Variants in LRRC69 observed in about 807,000 individuals in gnomAD.
LRRC69 encodes the protein leucine rich repeat containing 69.
A neutral mutation model predicts 37.8 loss-of-function variants in LRRC69; 42 were observed. The ratio of observed to expected loss-of-function variants is 1.11; its 90% CI spans 0.87 to 1.44. LRRC69 has a LOEUF of 1.44. Among genes scored for constraint, LRRC69 ranks in the 40% most tolerant of loss-of-function variants. LRRC69 has a pLI of 0.00. For missense variants in LRRC69, 357 were observed against 401.9 expected (o/e 0.89, Z 0.96); for synonymous variants, 141 against 143.1 (o/e 0.99, Z 0.11).
chr8:91,179,313 G>C (rs1030428695), intron 5 of LRRC69, among the ~76,000 whole-genome samples: 1 of 152,146 alleles, frequency 6.6e-6, no homozygotes, highest in African/African-American at 2.4e-5. Context: ...TGTCTCACAT[G>C]GCAGGAGCAG....
At chr8:91,118,854 C>CT (rs1417317130) in intron 1 of LRRC69, among the ~76,000 whole-genome samples, 3 of 151,608 alleles carry the variant, frequency 2.0e-5, no homozygotes, top group African/African-American at 4.8e-5. Context: ...TTCTGCAGTT[C>CT]TTTGTTAGTA....
At chr8:91,149,226 T>G (rs184642278) in intron 5 of LRRC69, among the ~76,000 whole-genome samples, 2 of 152,118 alleles carry the variant, frequency 1.3e-5, no homozygotes, top group East Asian at 1.9e-4. Context: ...GGTCTAACAT[T>G]TAAGTCTTTA....
intron 5 of LRRC69, among the ~76,000 whole-genome samples, chr8:91,156,148 T>C (rs1167766736): frequency 6.6e-6 from 1 of 150,968 alleles, no homozygotes; most frequent in Non-Finnish European, 1.5e-5. Context: ...ATGGATGTAC[T>C]AATTTATGTT....
At chr8:91,167,387 C>A (rs931470516) in intron 5 of LRRC69, among the ~76,000 whole-genome samples, 3 of 151,386 alleles carry the variant, frequency 2.0e-5, no homozygotes, top group Non-Finnish European at 4.4e-5. Context: ...GAGAACAGCC[C>A]GGGAAAGACC....
intron 1 of LRRC69, among the ~76,000 whole-genome samples, chr8:91,110,162 TACTCTTCTTAAGGAAGTTAAAGATTC>T (rs1338892185): frequency 6.6e-6 from 1 of 152,096 alleles, no homozygotes; most frequent in Non-Finnish European, 1.5e-5. Context: ...TGTGAATATT[TACTCTTCTTAAGGAAGTTAAAGATTC>T]ACTCTTCTTA....
intron 5 of LRRC69, among the ~76,000 whole-genome samples, chr8:91,148,417 A>C (rs1047641798): frequency 7.3e-5 from 11 of 151,542 alleles, no homozygotes; most frequent in Admixed American, 2.0e-4. Flanking sequence ...TGAACTCATC[A>C]TTTTTTATGG....
At chr8:91,214,463 A>C (rs541054548) in intron 7 of LRRC69, among the ~76,000 whole-genome samples, 1 of 152,214 alleles carries the variant, frequency 6.6e-6, no homozygotes, top group Non-Finnish European at 1.5e-5. Flanking sequence ...TGTAGTTGCT[A>C]TTAAGCTATA....
At chr8:91,143,973 A>G (rs971842749) in intron 5 of LRRC69, among the ~76,000 whole-genome samples, 1 of 151,930 alleles carries the variant, frequency 6.6e-6, no homozygotes. Context: ...TAAGTTGGGG[A>G]TATTAATAAC....
At chr8:91,163,670 T>G (rs1401261218) in intron 5 of LRRC69, among the ~76,000 whole-genome samples, 5 of 151,554 alleles carry the variant, frequency 3.3e-5, no homozygotes, top group Non-Finnish European at 5.9e-5. Context: ...AAGGTAAATC[T>G]CTTTAATAGC....
chr8:91,213,332 T>A (rs745617670), intron 7 of LRRC69, among the ~76,000 whole-genome samples: 4 of 152,128 alleles, frequency 2.6e-5, no homozygotes, highest in Non-Finnish European at 4.4e-5. Context: ...TAAAAGTGGA[T>A]TTTATTAATA....
At chr8:91,146,976 C>T (rs1022257037) in intron 5 of LRRC69, among the ~76,000 whole-genome samples, 4 of 151,332 alleles carry the variant, frequency 2.6e-5, no homozygotes, top group African/African-American at 7.3e-5. Context: ...TTACCTGGCC[C>T]AAAATGTCCA....
Position 91,117,434 on chromosome 8 carries a change from G to A in LRRC69, c.184-7059G>A, listed in dbSNP as rs186173409. 3.3e-3 allele frequency among the ~76,000 whole-genome samples: 497 copies of A among 151,934 alleles called. 1 individual carries two copies. Among genetic ancestry groups the A allele is most frequent in the Non-Finnish European group, 5.9e-3 (400 of 68,004 alleles). ...TTCTAGGTAGCTCCAATGTTTGGCC[G>A]CCATAGGTTTATGAGAAGTGGGAGA... On this transcript the variant is annotated intron_variant, in intron 1 of 7. Coordinates refer to ENST00000448384, the Ensembl canonical transcript of LRRC69.
intron 5 of LRRC69, among the ~76,000 whole-genome samples, chr8:91,150,087 G>A (rs1243728967): frequency 2.0e-5 from 3 of 150,838 alleles, no homozygotes; most frequent in Non-Finnish European, 4.4e-5. Flanking sequence ...TCCTTCTCCT[G>A]CCTGATTGCC....
intron 5 of LRRC69, among the ~76,000 whole-genome samples, chr8:91,181,020 A>G (rs2130598342): frequency 6.6e-6 from 1 of 152,234 alleles, no homozygotes; most frequent in East Asian, 1.9e-4. Flanking sequence ...TGTGAAGCAA[A>G]TAAGCCCATT....
Position 91,110,344 on chromosome 8 carries a change from A to G in LRRC69, c.183+7500A>G, listed in dbSNP as rs1010504617. ...ATTTGAGAATTTTTTTAATACTTAAAAAGGTTTTATCTGGCCAGGTGCAGT... is the reference window on the plus strand; with the variant it reads ...ATTTGAGAATTTTTTTAATACTTAAGAAGGTTTTATCTGGCCAGGTGCAGT... On this transcript the variant is annotated intron_variant, in intron 1 of 7. Transcript: ENST00000448384. 1.6e-4 allele frequency among the ~76,000 whole-genome samples: 25 copies of G among 152,062 alleles called. 2 individuals are homozygous for G. Among genetic ancestry groups the G allele is most frequent in the Admixed American group, 3.3e-4 (5 of 15,248 alleles).
At chr8:91,169,585 T>C (rs1809089483) in intron 5 of LRRC69, among the ~76,000 whole-genome samples, 1 of 150,850 alleles carries the variant, frequency 6.6e-6, no homozygotes, top group South Asian at 2.1e-4. Context: ...CTTAGTTACA[T>C]ATGTATACAT....
At chr8:91,166,492 G>GAAAAAA (rs66705016) in intron 5 of LRRC69, among the ~76,000 whole-genome samples, 8 of 95,298 alleles carry the variant, frequency 8.4e-5, no homozygotes, top group African/African-American at 3.1e-4. Flanking sequence ...AAAATAAACT[G>GAAAAAA]AAAAAAAAAA....
chr8:91,144,756 A>C (rs184692469), intron 5 of LRRC69, among the ~76,000 whole-genome samples: 1 of 152,128 alleles, frequency 6.6e-6, no homozygotes, highest in East Asian at 1.9e-4. Flanking sequence ...CCTGATATCT[A>C]GCATGGTACA....
intron 5 of LRRC69, chr8:91,157,983 A>G: frequency 7.3e-7 from 1 of 1,367,100 alleles, no homozygotes; most frequent in East Asian, 2.3e-5. Context: ...GAAGAAGAAC[A>G]TCTGGGAATT....
Sources: gnomAD v4.1 joint callset for allele counts (sites outside exome capture counted in the v4.1 genomes callset) on GRCh38, gnomAD v4.1.1 for gene constraint, MANE v1.5 for transcripts, NCBI Gene and HGNC (gene_info 2026-07-23, HGNC 2026-07-21) for gene names.